The following USP9X variants were observed in gnomAD, a reference collection of about 807,000 sequenced individuals.
The protein encoded by USP9X is ubiquitin carboxyl-terminal hydrolase 9X.
USP9X carries 7 observed loss-of-function variants against 190.3 expected under a neutral mutation model. That is an observed-to-expected ratio of 0.04 (90% CI 0.02 to 0.07). USP9X has a LOEUF of 0.07. USP9X is among the 10% of genes least tolerant of loss of function. The pLI is 1.00. For missense variants in USP9X, 1,010 were observed against 1,916.9 expected, an observed-to-expected ratio of 0.53 and a Z score of 8.83; for synonymous variants, 645 against 659.5, an observed-to-expected ratio of 0.98 and a Z score of 0.34.
rs771321920 is a variant in USP9X at position 41,150,037 on chromosome X, C to T, written c.1627-884C>T. Among the ~76,000 whole-genome samples, 36 of 110,032 alleles carry T rather than the reference C, an allele frequency of 3.3e-4. 2 individuals are homozygous for T. In the South Asian group the frequency reaches 0.011, roughly 33 times the overall value. ...AATTACTAATAGTTTATACAAGGTT[C>T]GATTATGGCGCCATTAAAAGGATTA... On this transcript the variant is annotated intron_variant, in intron 12 of 44. Coordinates refer to ENST00000378308, the MANE Select transcript of USP9X (RefSeq NM_001039591.3).
Position 41,172,048 on chromosome X carries a change from G to T in USP9X, c.3148+90G>T, listed in dbSNP as rs190366616. On this transcript the variant is annotated intron_variant, in intron 21 of 44. Coordinates refer to ENST00000378308, the MANE Select transcript of USP9X (RefSeq NM_001039591.3). ...GTTTCTAAATGGACCGTGCTTTTTGGTATAGACTATAACAAGAGTTGACAG... is the reference window on the plus strand; with the variant it reads ...GTTTCTAAATGGACCGTGCTTTTTGTTATAGACTATAACAAGAGTTGACAG... The T allele has an allele frequency of 4.7e-4, 495 of 1,049,933 alleles. 3 individuals carry two copies. The African/African-American group carries it at 8.6e-3, about 18-fold the overall frequency. 86.5% of individuals were successfully genotyped at this position (1,049,933 alleles called of 1,213,427 possible).
intron 15 of USP9X, 23 bp from the exon 16 acceptor site, chrX:41,165,849 C>T (rs778521588): frequency 1.7e-6 from 2 of 1,186,164 alleles, no homozygotes; most frequent in African/African-American, 1.8e-5. Flanking sequence ...AATCTAATTG[C>T]CAATTTTCAA....
At chrX:41,094,996 C>T (rs1035716617) in intron 1 of USP9X, among the ~76,000 whole-genome samples, 5 of 107,430 alleles carry the variant, frequency 4.7e-5, no homozygotes, top group African/African-American at 6.8e-5. Flanking sequence ...GCCCAGATCG[C>T]GGTACTGCAC....
At chrX:41,135,162 T>C (rs1395411700) in intron 5 of USP9X, among the ~76,000 whole-genome samples, 1 of 110,753 alleles carries the variant, frequency 9.0e-6, no homozygotes, top group East Asian at 2.8e-4. Flanking sequence ...TATGGACTAT[T>C]AAGGAAGAAA....
rs2062695030 is a variant in USP9X at position 41,168,316 on chromosome X, ATTG to A, written c.2636+103_2636+105del. The A allele has an allele frequency of 1.0e-5, 8 of 773,922 alleles. No homozygotes were observed. The East Asian group carries it at 3.0e-4, about 29-fold the overall frequency. The allele number at this position is 773,922 out of a possible 1,213,427, so 63.8% of individuals were successfully genotyped here. A position where few individuals can be genotyped will look rare whatever the true frequency, so the allele number is the denominator to read the frequency against. The stretch of plus-strand genomic sequence containing the variant: ...GAGCAGAAATTTTTCTCGTTTGAAA[ATTG>A]TTGTCTTTGCCCATTAAAAACATTT... On this transcript the variant is annotated intron_variant, in intron 18 of 44. Transcript: ENST00000378308.
intron 33 of USP9X, among the ~76,000 whole-genome samples, chrX:41,212,694 G>C (rs1169887927): frequency 9.0e-6 from 1 of 111,310 alleles, no homozygotes; most frequent in Non-Finnish European, 1.9e-5. Flanking sequence ...GTCACAGTAA[G>C]ATAGTATTTT....
In USP9X at chrX:41,214,443, G is replaced by T. The variant is rs755969355; in HGVS notation, c.5190-125G>T. On this transcript the variant is annotated intron_variant, in intron 33 of 44. Transcript: ENST00000378308. ...TACATATGTAACAAACCTGCACGTT[G>T]TGGACATGTACCCTAGAACTTAAAG... The T allele has an allele frequency of 3.6e-5, 23 of 642,608 alleles. No homozygotes were observed. The African/African-American group carries it at 4.7e-4, about 13-fold the overall frequency. The allele number at this position is 642,608 out of a possible 1,213,427, so 53.0% of individuals were successfully genotyped here. A position where few individuals can be genotyped will look rare whatever the true frequency, so the allele number is the denominator to read the frequency against.
At chrX:41,199,017 C>T (rs2147196255) in intron 30 of USP9X, among the ~76,000 whole-genome samples, 1 of 110,645 alleles carries the variant, frequency 9.0e-6, no homozygotes, top group South Asian at 3.8e-4. Context: ...AACCCTGTCT[C>T]TACAAAAAAT....
chrX:41,091,296 C>A (rs774404929), intron 1 of USP9X, among the ~76,000 whole-genome samples: 2 of 111,814 alleles, frequency 1.8e-5, no homozygotes, highest in African/African-American at 3.3e-5. Context: ...TTTTGGAATT[C>A]TTGGCATACT....
intron 11 of USP9X, among the ~76,000 whole-genome samples, chrX:41,146,156 A>G (rs1235046352): frequency 8.9e-6 from 1 of 111,820 alleles, no homozygotes; most frequent in Non-Finnish European, 1.9e-5. Context: ...AGGGGTTGTT[A>G]TTATATCTGC....
chrX:41,117,326 G>A (rs73478502), intron 1 of USP9X, among the ~76,000 whole-genome samples: 58 of 111,623 alleles, frequency 5.2e-4, no homozygotes, highest in African/African-American at 1.8e-3. Flanking sequence ...TGATACTTTT[G>A]TCTAGAATAA....
chrX:41,230,433 A>G (rs1439420750), intron 43 of USP9X, 68 bp from the exon 44 acceptor site: 5 of 1,028,971 alleles, frequency 4.9e-6, no homozygotes, highest in East Asian at 3.1e-5. Flanking sequence ...TTTATTTCAA[A>G]TAGAAAAAGT....
chrX:41,158,645 A>T (rs1258763453), intron 14 of USP9X, among the ~76,000 whole-genome samples: 1 of 111,323 alleles, frequency 9.0e-6, no homozygotes, highest in Admixed American at 9.5e-5. Context: ...TTGCAGGAAA[A>T]AAATACTTGA....
chrX:41,144,708 T>C (rs1381780670), intron 11 of USP9X, 82 bp downstream of exon 11: 18 of 756,257 alleles, frequency 2.4e-5, no homozygotes, highest in Non-Finnish European at 3.5e-5. Flanking sequence ...TTTTAGCCAA[T>C]AAATACTTAA....
chrX:41,138,430 C>T (rs938183429), intron 6 of USP9X, among the ~76,000 whole-genome samples: 4 of 112,195 alleles, frequency 3.6e-5, no homozygotes, highest in East Asian at 2.8e-4. Flanking sequence ...GATTCACTTT[C>T]GGATACTGTT....
At position 41,123,262 on chromosome X, in the gene USP9X, TTTGTTTTC is replaced by T. The variant is rs933418509; in HGVS notation, c.-158-205_-158-198del. Among the ~76,000 whole-genome samples the T allele has an allele frequency of 3.0e-4, 34 of 112,183 alleles. 2 individuals are homozygous for T. The highest frequency in any genetic ancestry group is 2.3e-3 in the Admixed American group (24 of 10,622). ...AGTCATTTCCAGGAGGCTATATTTG[TTTGTTTTC>T]TTGGTATAATGGCCAGTGTACCAAT... On this transcript the variant is annotated intron_variant, in intron 1 of 44. Transcript: ENST00000378308.
At chrX:41,225,228 A>G (rs2063302536) in intron 41 of USP9X, 91 bp downstream of exon 41, 3 of 809,056 alleles carry the variant, frequency 3.7e-6, no homozygotes, top group Admixed American at 2.6e-5. Flanking sequence ...TTTTTAACCT[A>G]TTGGAGTTCT....
intron 21 of USP9X, among the ~76,000 whole-genome samples, chrX:41,172,677 A>T (rs929865278): frequency 5.4e-5 from 6 of 112,096 alleles, no homozygotes; most frequent in African/African-American, 1.9e-4. Flanking sequence ...TTTATCCTGG[A>T]TTTAATAATT....
intron 29 of USP9X, among the ~76,000 whole-genome samples, chrX:41,197,869 C>T (rs929020989): frequency 3.6e-5 from 4 of 109,626 alleles, no homozygotes; most frequent in African/African-American, 1.3e-4. Context: ...AAAAAATTGC[C>T]AGGTGTGGTG....
Sources: allele counts gnomAD v4.1 joint callset (sites outside exome capture counted in the v4.1 genomes callset), GRCh38; gene constraint gnomAD v4.1.1; transcripts MANE v1.5; gene names NCBI Gene and HGNC (gene_info 2026-07-23, HGNC 2026-07-21).